The following LURAP1L variants were observed in gnomAD, a reference collection of about 807,000 sequenced individuals.
LURAP1L encodes the protein leucine rich adaptor protein 1 like.
Under a neutral mutation model 13.8 loss-of-function variants are expected in LURAP1L, and 12 were observed. The observed-to-expected ratio is 0.87, with a 90% confidence interval of 0.56 to 1.41. The LOEUF (loss-of-function observed/expected upper bound fraction) is 1.41, where lower values mean the gene tolerates loss of function less well. Among genes scored for constraint, LURAP1L ranks in the 40% most tolerant of loss-of-function variants. LURAP1L has a pLI of 0.00. For missense variants in LURAP1L, 375 were observed against 292.9 expected (o/e 1.28, Z -2.04); for synonymous variants, 139 against 119.2 (o/e 1.17, Z -1.08).
chr9:12,792,692 G>T (rs1463172603), intron 1 of LURAP1L, among the ~76,000 whole-genome samples: 1 of 151,902 alleles, frequency 6.6e-6, no homozygotes, highest in Non-Finnish European at 1.5e-5. Context: ...AACTCTTTTT[G>T]GGGATTATAT....
At chr9:12,807,796 C>T (rs1469701827) in intron 1 of LURAP1L, among the ~76,000 whole-genome samples, 1 of 151,488 alleles carries the variant, frequency 6.6e-6, no homozygotes, top group Non-Finnish European at 1.5e-5. Flanking sequence ...TTTTGTCTTC[C>T]ACTTCTCTGG....
Position 12,818,568 on chromosome 9 carries a change from GTTAAGC to G in LURAP1L, c.313-2816_313-2811del, listed in dbSNP as rs557183256. The stretch of plus-strand genomic sequence containing the variant: ...CATTGGCAGTATATGACAGTACAAA[GTTAAGC>G]TATGTTAGGAGATAAGCTAACAGGA... On this transcript the variant is annotated intron_variant, in intron 1 of 1. Coordinates refer to ENST00000319264, the MANE Select transcript of LURAP1L (RefSeq NM_203403.2). 3.6e-3 allele frequency among the ~76,000 whole-genome samples: 553 copies of G among 152,316 alleles called. 3 individuals carry two copies. The South Asian group carries it at 0.047, about 13-fold the overall frequency.
chr9:12,816,914 G>A lies in LURAP1L; in HGVS notation c.313-4472G>A, dbSNP rs571455929. Among the ~76,000 whole-genome samples, 3 of 152,214 alleles carry A rather than the reference G, an allele frequency of 2.0e-5. 1 individual carries two copies. The highest frequency in any genetic ancestry group is 6.5e-5 in the Admixed American group (1 of 15,278). On this transcript the variant is annotated intron_variant, in intron 1 of 1. Coordinates refer to ENST00000319264, the MANE Select transcript of LURAP1L (RefSeq NM_203403.2). ...GATCAGTCTAAACCTTATTTTTGTC[G>A]TTGTTGTTTTTTGGTACATGTCCTG... is the stretch of plus-strand genomic sequence containing the variant.
chr9:12,776,101 C>A (rs1819178021), intron 1 of LURAP1L, 74 bp downstream of exon 1: 2 of 1,454,068 alleles, frequency 1.4e-6, no homozygotes, highest in Non-Finnish European at 1.9e-6. Context: ...GAGAATGGGG[C>A]TGGGAGAGAG....
At chr9:12,780,243 T>C (rs576952197) in intron 1 of LURAP1L, among the ~76,000 whole-genome samples, 131 of 152,304 alleles carry the variant, frequency 8.6e-4, no homozygotes, top group African/African-American at 2.9e-3. Context: ...CAACAGGAAC[T>C]CAGTTATCCT....
chr9:12,812,531 T>C (rs1323799106), intron 1 of LURAP1L, among the ~76,000 whole-genome samples: 1 of 152,164 alleles, frequency 6.6e-6, no homozygotes, highest in East Asian at 1.9e-4. Context: ...ACAAAGTAAG[T>C]TTACTAAAGC....
intron 1 of LURAP1L, among the ~76,000 whole-genome samples, chr9:12,808,659 A>G (rs1819694067): frequency 1.3e-5 from 2 of 152,012 alleles, no homozygotes; most frequent in Admixed American, 6.6e-5. Context: ...TTTAAAAAAG[A>G]TTTTCTATAA....
Position 12,775,862 on chromosome 9 carries a change from T to TGGCGGTGGCGGCGGC in LURAP1L, c.152_153insTGGCGGCGGCGGCGG (p.Gly51_Gly55dup). The TGGCGGTGGCGGCGGC allele has an allele frequency of 6.6e-7, 1 of 1,511,048 alleles. No homozygotes were observed. Among genetic ancestry groups the TGGCGGTGGCGGCGGC allele is most frequent in the South Asian group, 1.2e-5 (1 of 85,572 alleles). 93.6% of individuals were successfully genotyped at this position (1,511,048 alleles called of 1,614,324 possible). Reference sequence around the variant, plus strand: ...ACCCCTGCGGGGGGAGCGGTGGTGGTGGCGGCGGCGGCGGCGGCTGCAGTA... The same window carrying TGGCGGTGGCGGCGGC: ...ACCCCTGCGGGGGGAGCGGTGGTGGTGGCGGTGGCGGCGGCGGCGGCGGCGGCGGCGGCTGCAGTA... On this transcript the variant is annotated inframe_insertion, in exon 1 of 2. Transcript: ENST00000319264.
chr9:12,815,564 T>TTAC (rs1262925003), intron 1 of LURAP1L, among the ~76,000 whole-genome samples: 3 of 152,174 alleles, frequency 2.0e-5, no homozygotes, highest in Non-Finnish European at 4.4e-5. Context: ...CTAATTCATA[T>TTAC]TACAGCTTGC....
chr9:12,807,072 G>A (rs1207141330), intron 1 of LURAP1L, among the ~76,000 whole-genome samples: 7 of 108,044 alleles, frequency 6.5e-5, no homozygotes, highest in Admixed American at 1.3e-4. Flanking sequence ...TGGCTAACAC[G>A]GCGAAGCCCT....
chr9:12,821,914 A>C lies in LURAP1L; in HGVS notation c.*154A>C. The C allele has an allele frequency of 1.3e-6, 1 of 785,298 alleles. No homozygotes were observed. The highest frequency in any genetic ancestry group is 2.0e-6 in the Non-Finnish European group (1 of 497,734). The allele number at this position is 785,298 out of a possible 1,614,324, so 48.6% of individuals were successfully genotyped here. A position where few individuals can be genotyped will look rare whatever the true frequency, so the allele number is the denominator to read the frequency against. On this transcript the variant is annotated 3_prime_UTR_variant, in exon 2 of 2. Coordinates refer to ENST00000319264, the MANE Select transcript of LURAP1L (RefSeq NM_203403.2). ...CTTAATGGTATTGCTGTTGCTCCTA[A>C]TACTTCTCATCTGAGCTGATTTATT...
chr9:12,802,023 T>C (rs1819592716), intron 1 of LURAP1L, among the ~76,000 whole-genome samples: 1 of 152,212 alleles, frequency 6.6e-6, no homozygotes. Context: ...GAAATGGTTG[T>C]TTGAGTACTA....
chr9:12,799,312 G>A (rs1371328843), intron 1 of LURAP1L, among the ~76,000 whole-genome samples: 1 of 151,936 alleles, frequency 6.6e-6, no homozygotes, highest in Non-Finnish European at 1.5e-5. Flanking sequence ...ACTGTGGCTT[G>A]GAAATCATAA....
intron 1 of LURAP1L, among the ~76,000 whole-genome samples, chr9:12,782,242 G>A (rs1819283313): frequency 6.6e-6 from 1 of 152,138 alleles, no homozygotes; most frequent in Admixed American, 6.5e-5. Context: ...CCTTTGCTGT[G>A]CAGAAGTTTT....
intron 1 of LURAP1L, among the ~76,000 whole-genome samples, chr9:12,820,584 T>G (rs1480842305): frequency 4.3e-5 from 6 of 139,480 alleles, no homozygotes; most frequent in Non-Finnish European, 9.1e-5. Context: ...ACATCTGGTA[T>G]CCCACTTTTG....
rs1319523701 is a variant in LURAP1L, at chr9:12,822,786, TTAAATA to T, written c.*1030_*1035del. Reference sequence around the variant, plus strand: ...CGCACATAGACAGTGGATATTTACTTTAAATATAATGTTATTAATCCTCTGCATTTC... The same window carrying T: ...CGCACATAGACAGTGGATATTTACTTTAATGTTATTAATCCTCTGCATTTC... On this transcript the variant is annotated 3_prime_UTR_variant, in exon 2 of 2. Transcript: ENST00000319264. 2.0e-5 allele frequency among the ~76,000 whole-genome samples: 3 copies of T among 152,198 alleles called. No individual in the cohort carries two copies. The highest frequency in any genetic ancestry group is 7.2e-5 in the African/African-American group (3 of 41,460).
At chr9:12,813,327 TCCTA>T (rs1819763131) in intron 1 of LURAP1L, among the ~76,000 whole-genome samples, 1 of 152,196 alleles carries the variant, frequency 6.6e-6, no homozygotes, top group Non-Finnish European at 1.5e-5. Context: ...ATTCATGGCA[TCCTA>T]ATTATTTTAC....
In LURAP1L at chr9:12,775,058, A is replaced by AT. The variant is rs1431294500; in HGVS notation, c.-653dup. The AT allele has an allele frequency of 6.6e-6, 1 of 152,192 alleles. No individual in the cohort carries two copies. Among genetic ancestry groups the AT allele is most frequent in the East Asian group, 1.9e-4 (1 of 5,184 alleles). The allele number at this position is 152,192 out of a possible 1,614,324, so 9.4% of individuals were successfully genotyped here. On this transcript the variant is annotated 5_prime_UTR_variant, in exon 1 of 2. The change creates a premature stop within an existing upstream ORF in the 5' untranslated region. Transcript: ENST00000319264. ...AAACAGCCTAAATGGGAAGAAGGAC[A>AT]TTTTTGCTGCATCAAGGAAGCCGTT...
At chr9:12,776,173 C>A in intron 1 of LURAP1L, 146 bp downstream of exon 1, 1 of 828,182 alleles carries the variant, frequency 1.2e-6, no homozygotes, top group African/African-American at 1.7e-5. Flanking sequence ...GAGGAATGAG[C>A]AGGGGGCGCT....
Sources: allele counts gnomAD v4.1 joint callset (sites outside exome capture counted in the v4.1 genomes callset), GRCh38; gene constraint gnomAD v4.1.1; transcripts MANE v1.5; gene names NCBI Gene and HGNC (gene_info 2026-07-23, HGNC 2026-07-21).